GAS2L3: variants seen among roughly 807,000 people sequenced by gnomAD.
The protein encoded by GAS2L3 is GAS2-like protein 3.
Under a neutral mutation model 37.0 loss-of-function variants are expected in GAS2L3, and 28 were observed. That is an observed-to-expected ratio of 0.76 (90% confidence interval 0.56 to 1.04). GAS2L3 has a LOEUF of 1.04. GAS2L3 is among the 50% of genes least tolerant of loss of function. The probability of loss-of-function intolerance (pLI) is 0.00; values close to 1 mark genes in which losing one functional copy is unlikely to be tolerated. For synonymous variants in GAS2L3, 290 were observed against 296.6 expected (o/e 0.98, Z 0.23); for missense variants, 793 against 817.6 (o/e 0.97, Z 0.37).
chr12:100,593,982 A>G (rs769004593), intron 2 of GAS2L3: 4 of 152,118 alleles, frequency 2.6e-5, no homozygotes, highest in Non-Finnish European at 4.4e-5. Flanking sequence ...TGGTATGTAT[A>G]GTTGACACTG....
At chr12:100,600,656 T>G (rs759885864) in intron 4 of GAS2L3, 106 bp downstream of exon 4, 2 of 901,550 alleles carry the variant, frequency 2.2e-6, no homozygotes, top group Non-Finnish European at 3.5e-6. Context: ...CTGGGGATAC[T>G]CCAGTGAATG....
intron 5 of GAS2L3, among the ~76,000 whole-genome samples, chr12:100,604,569 G>C (rs1406729530): frequency 6.8e-6 from 1 of 147,582 alleles, no homozygotes; most frequent in East Asian, 2.1e-4. Context: ...CTCCTTTCCA[G>C]TTTGGATGCC....
intron 5 of GAS2L3, among the ~76,000 whole-genome samples, chr12:100,608,451 T>G (rs1956083774): frequency 6.6e-6 from 1 of 152,154 alleles, no homozygotes; most frequent in Non-Finnish European, 1.5e-5. Flanking sequence ...CTAGCCAGGT[T>G]TGTGTCCCTC....
At chr12:100,594,573 T>C (rs182238885) in intron 2 of GAS2L3, among the ~76,000 whole-genome samples, 233 of 152,150 alleles carry the variant, frequency 1.5e-3, no homozygotes, top group Non-Finnish European at 2.9e-3. Flanking sequence ...TTATATGAGC[T>C]AAGTTTTGTT....
chr12:100,601,812 C>A, intron 5 of GAS2L3, 59 bp downstream of exon 5: 1 of 807,742 alleles, frequency 1.2e-6, no homozygotes, highest in Non-Finnish European at 2.0e-6. Context: ...TTTATGTACA[C>A]TTCTTATCTC....
In GAS2L3 at chr12:100,623,976, A is replaced by T. The variant is rs769547506; in HGVS notation, c.1171A>T (p.Ile391Leu). The T allele has an allele frequency of 6.2e-7, 1 of 1,614,126 alleles. No homozygotes were observed. The highest frequency in any genetic ancestry group is 8.5e-7 in the Non-Finnish European group (1 of 1,179,992). The change falls in exon 10 of 10, where the codon ATA (isoleucine) becomes TTA (leucine). Residue 391 changes from isoleucine (I) to leucine (L), a missense_variant. Physicochemically the swap from Ile to Leu is conservative, Grantham distance 5. Coordinates refer to ENST00000547754, the MANE Select transcript of GAS2L3 (RefSeq NM_174942.3). Reference sequence around the variant, plus strand: ...TCCCAAGCTCAAGTCTTCAAAAGGCATAACGAAGAAACCGCAGGCTCCTTC... The same window carrying T: ...TCCCAAGCTCAAGTCTTCAAAAGGCTTAACGAAGAAACCGCAGGCTCCTTC... ...SHPKLKSSKG[I>L]TKKPQAPSNN...
rs1956319252 is a variant in GAS2L3 at position 100,625,104 on chromosome 12, G to A, written c.*214G>A. On this transcript the variant is annotated 3_prime_UTR_variant, in exon 10 of 10. Transcript: ENST00000547754. ...GCAAACAGTTGTAAAATCACTGCAA[G>A]GTTTTTATTAATAATAGACATGTAT... The A allele has an allele frequency of 7.0e-6, 3 of 426,316 alleles. No homozygotes were observed. Among genetic ancestry groups the A allele is most frequent in the Admixed American group, 7.8e-5 (2 of 25,730 alleles). 26.4% of individuals were successfully genotyped at this position (426,316 alleles called of 1,614,324 possible).
Position 100,624,519 on chromosome 12 carries a change from G to A in GAS2L3, c.1714G>A (p.Val572Ile). 1 of 1,614,018 alleles carries A rather than the reference G, an allele frequency of 6.2e-7. No individual in the cohort carries two copies. ...QPVSVSSVSPVKATQKSKDKN... is the reference protein window; with the variant it reads ...QPVSVSSVSPIKATQKSKDKN... ...AGTTTCTGTGTCCTCAGTTTCTCCT[G>A]TAAAAGCCACACAGAAATCAAAAGA... The change falls in exon 10 of 10, where the codon GTA becomes ATA. Residue 572 changes from valine (V) to isoleucine (I), a missense_variant. Val to Ile is a conservative substitution (Grantham distance 29). Transcript: ENST00000547754.
chr12:100,605,097 G>A (rs1956040285), intron 5 of GAS2L3, among the ~76,000 whole-genome samples: 1 of 151,914 alleles, frequency 6.6e-6, no homozygotes, highest in Non-Finnish European at 1.5e-5. Context: ...GTATAATACT[G>A]GCCTCATAGA....
At chr12:100,619,638 G>A (rs371821800) in intron 8 of GAS2L3, among the ~76,000 whole-genome samples, 41 of 151,558 alleles carry the variant, frequency 2.7e-4, no homozygotes, top group African/African-American at 6.3e-4. Flanking sequence ...GTGTGTGTGT[G>A]TATATATATA....
chr12:100,601,252 C>T (rs1955985332), intron 4 of GAS2L3, among the ~76,000 whole-genome samples: 1 of 152,060 alleles, frequency 6.6e-6, no homozygotes, highest in Admixed American at 6.6e-5. Context: ...TTAAAGAAGA[C>T]ATTCTAGAAG....
At chr12:100,582,053 A>G (rs1330638495) in intron 1 of GAS2L3, among the ~76,000 whole-genome samples, 2 of 152,230 alleles carry the variant, frequency 1.3e-5, no homozygotes, top group East Asian at 1.9e-4. Context: ...GAGACCACCA[A>G]ACAGGCTTTG....
intron 1 of GAS2L3, among the ~76,000 whole-genome samples, chr12:100,588,263 A>G (rs1379431829): frequency 2.0e-5 from 3 of 152,148 alleles, no homozygotes; most frequent in African/African-American, 7.2e-5. Context: ...TGACTGAGAA[A>G]TAAAGAGAGA....
Position 100,622,361 on chromosome 12 carries a change from G to C in GAS2L3, c.735G>C (p.Gly245=). 3 of 1,555,846 alleles carry C rather than the reference G, an allele frequency of 1.9e-6. No individual in the cohort carries two copies. Among genetic ancestry groups the C allele is most frequent in the Non-Finnish European group, 1.8e-6 (2 of 1,129,636 alleles). ...TATCTGAAGGACGGTACCGACTAGG[G>C]GATAAAATACTCTTTATAAGAGTAA... The part of the protein sequence containing the change: ...EYLSEGRYRL[G]DKILFIRMLH... The change falls in exon 9 of 10, where the codon GGG becomes GGC. Residue 245 remains glycine, a synonymous_variant. Transcript: ENST00000547754.
chr12:100,599,056 C>T (rs1955950230), intron 3 of GAS2L3, among the ~76,000 whole-genome samples: 1 of 152,196 alleles, frequency 6.6e-6, no homozygotes, highest in Admixed American at 6.6e-5. Context: ...ACATCTTGCA[C>T]AGGGCTGTCC....
chr12:100,579,214 T>G, intron 1 of GAS2L3: 1 of 619,360 alleles, frequency 1.6e-6, no homozygotes, highest in South Asian at 1.9e-5. Flanking sequence ...ATCCCCTTTC[T>G]GGATTTGCTA....
intron 6 of GAS2L3, 88 bp downstream of exon 6, chr12:100,612,229 A>G (rs1956136580): frequency 1.2e-5 from 12 of 1,032,450 alleles, no homozygotes; most frequent in Non-Finnish European, 1.8e-5. Context: ...CCAAATAAGG[A>G]CTCAAATGCC....
chr12:100,622,709 A>C (rs1956271083), intron 9 of GAS2L3, among the ~76,000 whole-genome samples: 2 of 148,734 alleles, frequency 1.3e-5, no homozygotes, highest in African/African-American at 4.9e-5. Context: ...CCATCATAAG[A>C]AGAAAAACCA....
chr12:100,575,785 C>T (rs562644064), intron 1 of GAS2L3, among the ~76,000 whole-genome samples: 151 of 152,152 alleles, frequency 9.9e-4, no homozygotes, highest in Non-Finnish European at 1.4e-3. Flanking sequence ...GCCGTTATCT[C>T]TATTTTATAG....
Sources: gnomAD v4.1 joint callset for allele counts (sites outside exome capture counted in the v4.1 genomes callset) on GRCh38, gnomAD v4.1.1 for gene constraint, MANE v1.5 for transcripts, NCBI Gene and HGNC (gene_info 2026-07-23, HGNC 2026-07-21) for gene names.